WRAP53: variants seen among roughly 807,000 people sequenced by gnomAD.
The protein encoded by WRAP53 is telomerase Cajal body protein 1.
WRAP53 carries 28 observed loss-of-function variants against 56.6 expected under a neutral mutation model. That is an observed-to-expected ratio of 0.50 (90% CI 0.37 to 0.68). The LOEUF (loss-of-function observed/expected upper bound fraction) is 0.68, where lower values mean the gene tolerates loss of function less well. Ranked by LOEUF, WRAP53 falls within the 30% of genes least tolerant of loss-of-function variation. The pLI is 0.00. For synonymous variants in WRAP53, 283 were observed against 283.4 expected (o/e 1.00, Z 0.01); for missense variants, 671 against 715.5 (o/e 0.94, Z 0.71).
chr17:7,703,056 G>A lies in WRAP53; in HGVS notation c.1332G>A (p.Gly444=), dbSNP rs767311232. ...SGAVSVWDTD[G]PGNDGKPEPV... ...CTGTCTCTGTGTGGGACACGGACGGGCCTGGCAATGATGGGAAGCCGGAGC... is the reference window on the plus strand; with the variant it reads ...CTGTCTCTGTGTGGGACACGGACGGACCTGGCAATGATGGGAAGCCGGAGC... Residue 444 remains glycine, a synonymous_variant, in exon 10 of 11, where the codon GGG becomes GGA. Transcript: ENST00000396463. 3.1e-6 allele frequency: 5 copies of A among 1,614,014 alleles called. No individual in the cohort carries two copies. Among genetic ancestry groups the A allele is most frequent in the Non-Finnish European group, 4.2e-6 (5 of 1,180,034 alleles).
intron 4 of WRAP53, among the ~76,000 whole-genome samples, chr17:7,692,344 G>C (rs1450225426): frequency 6.6e-6 from 1 of 151,760 alleles, no homozygotes. Context: ...TTGGGGCTGG[G>C]TGCGGTGGCT....
intron 4 of WRAP53, among the ~76,000 whole-genome samples, chr17:7,696,290 A>ATTT (rs35901058): frequency 0.018 from 1,471 of 79,882 alleles, 241 homozygotes; most frequent in African/African-American, 0.057. Flanking sequence ...GGACTCAGAG[A>ATTT]TTTTTTTTTT....
chr17:7,700,591 T>C, intron 4 of WRAP53, 150 bp from the exon 5 acceptor site: 1 of 710,718 alleles, frequency 1.4e-6, no homozygotes, highest in Non-Finnish European at 2.6e-6. Flanking sequence ...GGTGGCTAAA[T>C]TTGACATTAA....
chr17:7,702,055 T>C lies in WRAP53; in HGVS notation c.955+266T>C, dbSNP rs1177075932. 1 of 731,434 alleles carries C rather than the reference T, an allele frequency of 1.4e-6. No individual in the cohort carries two copies. Among genetic ancestry groups the C allele is most frequent in the East Asian group, 2.7e-5 (1 of 37,188 alleles). 45.3% of individuals were successfully genotyped at this position (731,434 alleles called of 1,614,324 possible). On this transcript the variant is annotated intron_variant, in intron 7 of 10. Transcript: ENST00000396463. The surrounding 1 kb of genome is among the most constrained non-coding windows in gnomAD (Gnocchi z 5.0). ...GAGCTTTTGGTCTCTGAAATCTTTC[T>C]AGAAAATTGTTGATAAAGCTGATTC...
chr17:7,689,167 G>A, intron 2 of WRAP53, 57 bp from the exon 3 acceptor site: 1 of 1,613,624 alleles, frequency 6.2e-7, no homozygotes, highest in Non-Finnish European at 8.5e-7. Flanking sequence ...CACTTCTCCA[G>A]GCCTCTGCCC....
Position 7,702,996 on chromosome 17 carries a change from C to T in WRAP53, c.1272C>T (p.Thr424=), listed in dbSNP as rs367678596. 1.8e-5 allele frequency: 29 copies of T among 1,613,712 alleles called. No homozygotes were observed. The Middle Eastern group carries it at 6.6e-4, about 37-fold the overall frequency. The change falls in exon 10 of 11, where the codon ACC becomes ACT. Residue 424 remains threonine (T), a synonymous_variant. Transcript: ENST00000396463. The surrounding 1 kb of genome is among the most constrained non-coding windows in gnomAD (Gnocchi z 5.0). ...AAATCTCTCCTCTCTCTCGCAGGAC[C>T]GGGCAGTTCCTAGTGAGTGGCAGCA... is the stretch of plus-strand genomic sequence containing the variant. The part of the protein sequence containing the change: ...NQRIYFDLDP[T]GQFLVSGSTS...
chr17:7,700,017 G>A (rs2074253132), intron 4 of WRAP53, among the ~76,000 whole-genome samples: 1 of 151,476 alleles, frequency 6.6e-6, no homozygotes, highest in Non-Finnish European at 1.5e-5. Context: ...ACAGGTGTGA[G>A]CCACTGTGCT....
At chr17:7,694,715 C>A (rs2074159472) in intron 4 of WRAP53, among the ~76,000 whole-genome samples, 1 of 152,112 alleles carries the variant, frequency 6.6e-6, no homozygotes, top group Admixed American at 6.6e-5. Context: ...ATGGTCCCAG[C>A]TACTTGGGAG....
chr17:7,701,867 G>T lies in WRAP53; in HGVS notation c.955+78G>T, dbSNP rs1344864749. On this transcript the variant is annotated intron_variant, in intron 7 of 10. Coordinates refer to ENST00000396463, the MANE Select transcript of WRAP53 (RefSeq NM_001143992.2). This position sits in a 1 kb window ranked among gnomAD's most constrained non-coding sequence, Gnocchi z 4.2. ...CACAGGGGCCTTTTGTGAGCCGGGG[G>T]CCACCTGTGGGGGTTCACGCCGTCC... 1.3e-6 allele frequency: 2 copies of T among 1,559,470 alleles called. No individual in the cohort carries two copies. The highest frequency in any genetic ancestry group is 1.4e-5 in the African/African-American group (1 of 73,648).
intron 4 of WRAP53, among the ~76,000 whole-genome samples, chr17:7,699,474 A>AAATATT (rs2074234218): frequency 4.0e-5 from 1 of 24,762 alleles, no homozygotes; most frequent in Admixed American, 5.7e-4. Flanking sequence ...ATATATATAT[A>AAATATT]TTTATATATA....
chr17:7,690,017 C>T (rs1252910846), intron 4 of WRAP53, among the ~76,000 whole-genome samples: 3 of 151,680 alleles, frequency 2.0e-5, no homozygotes, highest in African/African-American at 4.8e-5. Flanking sequence ...GGTGTGATCT[C>T]GGCTCACTGC....
chr17:7,689,490 G>T lies in WRAP53; in HGVS notation c.531-100G>T, dbSNP rs1345666408. 1.1e-5 allele frequency: 15 copies of T among 1,324,998 alleles called. No homozygotes were observed. The Admixed American group carries it at 2.7e-4, about 24-fold the overall frequency. The allele number at this position is 1,324,998 out of a possible 1,614,324, so 82.1% of individuals were successfully genotyped here. The stretch of plus-strand genomic sequence containing the variant: ...GTTTGTGTCTTCTACTTCCCTCAAG[G>T]ATTCAGGGGGGCTTACCTACCCCAG... On this transcript the variant is annotated intron_variant, in intron 3 of 10. Coordinates refer to ENST00000396463, the MANE Select transcript of WRAP53 (RefSeq NM_001143992.2).
intron 4 of WRAP53, among the ~76,000 whole-genome samples, chr17:7,691,392 G>T (rs4559962): frequency 0.39 from 53,794 of 138,872 alleles, 15,408 homozygotes; most frequent in African/African-American, 0.81. Context: ...TGAGAGAGGT[G>T]TTTTTTTTTT....
upstream of WRAP53, chr17:7,686,501 T>G (rs1426193219): frequency 6.6e-6 from 1 of 152,156 alleles, no homozygotes; most frequent in Non-Finnish European, 1.5e-5. Context: ...ACCCCTGCCT[T>G]TGCAAAGGCC....
At chr17:7,691,258 A>C (rs890171470) in intron 4 of WRAP53, among the ~76,000 whole-genome samples, 1 of 151,952 alleles carries the variant, frequency 6.6e-6, no homozygotes, top group Non-Finnish European at 1.5e-5. Flanking sequence ...AAAACAAAAA[A>C]CCCAGAATGC....
At position 7,701,708 on chromosome 17, in the gene WRAP53, C is replaced by G. The variant is rs371500722; in HGVS notation, c.874C>G (p.Leu292Val). The G allele has an allele frequency of 2.5e-6, 4 of 1,614,142 alleles. No homozygotes were observed. The highest frequency in any genetic ancestry group is 3.4e-6 in the Non-Finnish European group (4 of 1,180,044). Reference protein sequence around the residue: ...SLCFSPDGSQLFCGFNRTVRV... With the variant: ...SLCFSPDGSQVFCGFNRTVRV... ...CTGCTTCTCCCCGGATGGCTCCCAG[C>G]TCTTCTGTGGCTTCAACCGGACTGT... Residue 292 changes from leucine (L) to valine (V), a missense_variant, in exon 7 of 11, where the codon CTC becomes GTC. By Grantham distance (32) the Leu-to-Val change is conservative (BLOSUM62 1). Transcript: ENST00000396463. This position sits in a 1 kb window ranked among gnomAD's most constrained non-coding sequence, Gnocchi z 4.2.
upstream of WRAP53, chr17:7,688,109 T>C (rs2074040016): frequency 6.1e-6 from 1 of 163,644 alleles, no homozygotes; most frequent in South Asian, 1.6e-4. Context: ...ATAATAAATA[T>C]TTTTTGAATG....
intron 4 of WRAP53, among the ~76,000 whole-genome samples, chr17:7,690,222 C>T (rs6503051): frequency 0.1 from 15,627 of 152,226 alleles, 1,850 homozygotes; most frequent in African/African-American, 0.29. Flanking sequence ...GTGCGGGGAT[C>T]ACAGGTGTGA....
intron 4 of WRAP53, among the ~76,000 whole-genome samples, chr17:7,694,555 T>C (rs1034784584): frequency 3.9e-5 from 6 of 152,040 alleles, no homozygotes; most frequent in African/African-American, 1.2e-4. Context: ...TCAGTTTGTT[T>C]TCAAAAGATT....
Sources: allele counts gnomAD v4.1 joint callset (sites outside exome capture counted in the v4.1 genomes callset), GRCh38; gene constraint gnomAD v4.1.1; non-coding constraint Gnocchi (gnomAD v3.1); transcripts MANE v1.5; gene names NCBI Gene and HGNC (gene_info 2026-07-23, HGNC 2026-07-21).